MLIP: variants seen among roughly 807,000 people sequenced by gnomAD.
The protein encoded by MLIP is muscular LMNA-interacting protein.
MLIP carries 79 observed loss-of-function variants against 84.8 expected under a neutral mutation model. That is an observed-to-expected ratio of 0.93 (90% CI 0.78 to 1.12). The LOEUF (loss-of-function observed/expected upper bound fraction) is 1.12. Ranked by LOEUF, MLIP falls within the 50% of genes most tolerant of loss-of-function variation. The pLI, the probability that MLIP is intolerant of heterozygous loss-of-function variation, is 0.00. For missense variants in MLIP, 1,257 were observed against 1,160.6 expected (o/e 1.08, Z -1.21); for synonymous variants, 504 against 463.0 (o/e 1.09, Z -1.14).
At chr6:54,264,999 G>T (rs913839347) in intron 13 of MLIP, among the ~76,000 whole-genome samples, 3 of 152,104 alleles carry the variant, frequency 2.0e-5, no homozygotes, top group African/African-American at 7.2e-5. Flanking sequence ...ATAGGAGCCA[G>T]CTCTAAGTCA....
chr6:54,116,921 A>G (rs1168417810), intron 1 of MLIP, among the ~76,000 whole-genome samples: 6 of 152,244 alleles, frequency 3.9e-5, no homozygotes, highest in African/African-American at 1.4e-4. Context: ...TATCTCAGGG[A>G]GGCAAGGATG....
chr6:54,027,839 T>C (rs1763907531), intron 1 of MLIP, among the ~76,000 whole-genome samples: 1 of 152,188 alleles, frequency 6.6e-6, no homozygotes, highest in Admixed American at 6.5e-5. Flanking sequence ...TTTGAATGGA[T>C]CTTTTGATAT....
chr6:54,037,147 C>T (rs73434385), intron 1 of MLIP, among the ~76,000 whole-genome samples: 2 of 152,056 alleles, frequency 1.3e-5, no homozygotes, highest in South Asian at 2.1e-4. Flanking sequence ...ACATGTCGTG[C>T]TGATTTTATC....
chr6:54,021,659 T>C (rs1763504633), intron 1 of MLIP, among the ~76,000 whole-genome samples: 1 of 152,238 alleles, frequency 6.6e-6, no homozygotes, highest in African/African-American at 2.4e-5. Context: ...TATTGATTTT[T>C]GCCCTGAGTT....
At chr6:54,233,336 A>T (rs28469821) in intron 12 of MLIP, among the ~76,000 whole-genome samples, 1 of 105,190 alleles carries the variant, frequency 9.5e-6, no homozygotes, top group Non-Finnish European at 2.0e-5. Flanking sequence ...CTAGCCCCCC[A>T]CCCCCCAACA....
At chr6:54,170,152 C>G (rs79605192) in intron 9 of MLIP, among the ~76,000 whole-genome samples, 1 of 151,796 alleles carries the variant, frequency 6.6e-6, no homozygotes, top group African/African-American at 2.4e-5. Flanking sequence ...AGTGTTCACT[C>G]ACCTAATAAT....
intron 10 of MLIP, 77 bp from the exon 11 acceptor site, chr6:54,202,028 C>T: frequency 1.9e-6 from 2 of 1,078,060 alleles, no homozygotes; most frequent in Non-Finnish European, 2.5e-6. Context: ...CATTGAATGA[C>T]TTAACAATAA....
chr6:54,154,927 C>T (rs1773860187), intron 5 of MLIP, among the ~76,000 whole-genome samples: 2 of 151,976 alleles, frequency 1.3e-5, no homozygotes, highest in East Asian at 1.9e-4. Flanking sequence ...TTCTGACATC[C>T]TTAATTGAAT....
chr6:54,083,107 T>C (rs1304158200), intron 1 of MLIP, among the ~76,000 whole-genome samples: 3 of 152,180 alleles, frequency 2.0e-5, no homozygotes, highest in Non-Finnish European at 4.4e-5. Context: ...TAATTTAATG[T>C]AGAAGCTATT....
chr6:54,081,600 A>T (rs1430655289), intron 1 of MLIP, among the ~76,000 whole-genome samples: 1 of 151,956 alleles, frequency 6.6e-6, no homozygotes, highest in African/African-American at 2.4e-5. Flanking sequence ...TTTAGTTGAG[A>T]TACGGTTTCA....
At chr6:54,184,951 A>C (rs1005712742) in intron 9 of MLIP, among the ~76,000 whole-genome samples, 2 of 152,238 alleles carry the variant, frequency 1.3e-5, no homozygotes, top group Non-Finnish European at 2.9e-5. Context: ...ATGAATGATC[A>C]AAATTTTAAT....
At chr6:54,075,011 G>T (rs1003343993) in intron 1 of MLIP, among the ~76,000 whole-genome samples, 35 of 152,102 alleles carry the variant, frequency 2.3e-4, no homozygotes, top group Admixed American at 2.1e-3. Flanking sequence ...ACTTTGGGAG[G>T]CCGAGGTGGG....
chr6:54,242,390 AT>A (rs1781798684), intron 12 of MLIP, among the ~76,000 whole-genome samples: 1 of 152,220 alleles, frequency 6.6e-6, no homozygotes, highest in South Asian at 2.1e-4. Context: ...GTAAATTGGT[AT>A]TATCATTGCA....
chr6:54,182,707 G>T (rs1217297156), intron 9 of MLIP, among the ~76,000 whole-genome samples: 1 of 152,008 alleles, frequency 6.6e-6, no homozygotes, highest in Non-Finnish European at 1.5e-5. Context: ...CCTTCTAAAT[G>T]TTTATCATTT....
At chr6:54,043,650 A>G (rs1411756824) in intron 1 of MLIP, among the ~76,000 whole-genome samples, 1 of 152,230 alleles carries the variant, frequency 6.6e-6, no homozygotes, top group Non-Finnish European at 1.5e-5. Flanking sequence ...TATGTCTGGT[A>G]CAGAGATAGG....
At chr6:54,070,242 T>G (rs1766402685) in intron 1 of MLIP, among the ~76,000 whole-genome samples, 1 of 152,198 alleles carries the variant, frequency 6.6e-6, no homozygotes, top group East Asian at 1.9e-4. Flanking sequence ...TTTTTGTTAT[T>G]CTCCTTCAAT....
At chr6:54,086,613 T>C (rs1767508177) in intron 1 of MLIP, among the ~76,000 whole-genome samples, 1 of 152,186 alleles carries the variant, frequency 6.6e-6, no homozygotes, top group Non-Finnish European at 1.5e-5. Context: ...CCAAAGTCCG[T>C]TATAGTGGCT....
At chr6:54,056,539 TGA>T (rs1315699141) in intron 1 of MLIP, among the ~76,000 whole-genome samples, 1 of 152,108 alleles carries the variant, frequency 6.6e-6, no homozygotes, top group Non-Finnish European at 1.5e-5. Flanking sequence ...GACCCAGGAG[TGA>T]GAGACCTCTT....
At chr6:54,245,181 A>G (rs1265059066) in intron 12 of MLIP, among the ~76,000 whole-genome samples, 1 of 152,180 alleles carries the variant, frequency 6.6e-6, no homozygotes, top group East Asian at 1.9e-4. Flanking sequence ...ATGTTAAATC[A>G]GGTTCCTTAA....
Sources: gnomAD v4.1 joint callset for allele counts (sites outside exome capture counted in the v4.1 genomes callset) on GRCh38, gnomAD v4.1.1 for gene constraint, MANE v1.5 for transcripts, NCBI Gene and HGNC (gene_info 2026-07-23, HGNC 2026-07-21) for gene names.